The following ADGRB3 variants were observed in gnomAD, a reference collection of about 807,000 sequenced individuals.
The protein encoded by ADGRB3 is adhesion G protein-coupled receptor B3, also known as brain-specific angiogenesis inhibitor 3.
Under a neutral mutation model 193.4 loss-of-function variants are expected in ADGRB3, and 37 were observed. That is an observed-to-expected ratio of 0.19 (90% CI 0.15 to 0.25). ADGRB3 has a LOEUF of 0.25. Among genes scored for constraint, ADGRB3 ranks in the 10% least tolerant of loss-of-function variants. The probability of loss-of-function intolerance (pLI) is 1.00; values close to 1 mark genes in which losing one functional copy is unlikely to be tolerated. For synonymous variants in ADGRB3, 690 were observed against 644.2 expected (o/e 1.07, Z -1.08); for missense variants, 1,637 against 1,852.9 (o/e 0.88, Z 2.14).
At chr6:69,008,854 C>T (rs574655707) in intron 11 of ADGRB3, among the ~76,000 whole-genome samples, 31 of 152,088 alleles carry the variant, frequency 2.0e-4, no homozygotes, top group Non-Finnish European at 3.2e-4. Flanking sequence ...AAGAAGAGTT[C>T]GATCCCATAT....
chr6:68,952,550 A>G (rs1204272864), intron 6 of ADGRB3, among the ~76,000 whole-genome samples: 1 of 152,094 alleles, frequency 6.6e-6, no homozygotes, highest in East Asian at 1.9e-4. Flanking sequence ...TGTCAAGCCA[A>G]TTCCTTCATA....
chr6:69,154,554 C>T (rs1011650576), intron 17 of ADGRB3, among the ~76,000 whole-genome samples: 1 of 152,196 alleles, frequency 6.6e-6, no homozygotes, highest in Non-Finnish European at 1.5e-5. Flanking sequence ...TAATTTTGTT[C>T]ATATACTTCC....
At chr6:69,137,061 T>C (rs1272668376) in intron 17 of ADGRB3, among the ~76,000 whole-genome samples, 7 of 59,020 alleles carry the variant, frequency 1.2e-4, no homozygotes, top group Non-Finnish European at 1.8e-4. Context: ...TCTTTCTTTT[T>C]TTTTTTTTTT....
rs576040022 is a variant in ADGRB3 at position 68,691,094 on chromosome 6, AC to A, written c.757+51663del. Among the ~76,000 whole-genome samples the A allele has an allele frequency of 1.8e-3, 273 of 152,226 alleles. 4 individuals are homozygous for A. Among genetic ancestry groups the A allele is most frequent in the Admixed American group, 3.5e-3 (53 of 15,256 alleles). ...TTGTTTCATTTTTTGTTACTTCAGGACAAAAGTTAAAATGCATATAGGATCA... is the reference window on the plus strand; with the variant it reads ...TTGTTTCATTTTTTGTTACTTCAGGAAAAAGTTAAAATGCATATAGGATCA... On this transcript the variant is annotated intron_variant, in intron 3 of 31. Coordinates refer to ENST00000370598, the MANE Select transcript of ADGRB3 (RefSeq NM_001704.3).
At chr6:68,812,756 T>C (rs531328388) in intron 3 of ADGRB3, among the ~76,000 whole-genome samples, 2,083 of 152,042 alleles carry the variant, frequency 0.014, 44 homozygotes, top group African/African-American at 0.045. Context: ...ACACGTGCCA[T>C]GGTGGTTTGC....
chr6:68,846,325 G>A (rs963610533), intron 3 of ADGRB3, among the ~76,000 whole-genome samples: 1 of 152,176 alleles, frequency 6.6e-6, no homozygotes, highest in Non-Finnish European at 1.5e-5. Context: ...TTTTTCTGGG[G>A]AGAAATTCAA....
chr6:68,921,443 A>C (rs1430141479), intron 3 of ADGRB3, among the ~76,000 whole-genome samples: 1 of 152,234 alleles, frequency 6.6e-6, no homozygotes, highest in African/African-American at 2.4e-5. Flanking sequence ...AAATAGATTC[A>C]GATGAAGAAG....
At chr6:68,851,603 C>T (rs1310217514) in intron 3 of ADGRB3, among the ~76,000 whole-genome samples, 1 of 151,472 alleles carries the variant, frequency 6.6e-6, no homozygotes, top group East Asian at 1.9e-4. Flanking sequence ...ACAAAATTAC[C>T]CTGATCTGAT....
In ADGRB3 at chr6:69,255,956, G is replaced by C. The variant is rs1293712071; in HGVS notation, c.2814+16730G>C. Among the ~76,000 whole-genome samples, 19 of 152,202 alleles carry C rather than the reference G, an allele frequency of 1.2e-4. No individual in the cohort carries two copies. The South Asian group carries it at 3.9e-3, about 32-fold the overall frequency. On this transcript the variant is annotated intron_variant, in intron 20 of 31. Coordinates refer to ENST00000370598, the MANE Select transcript of ADGRB3 (RefSeq NM_001704.3). The stretch of plus-strand genomic sequence containing the variant: ...TTTTCCCAGCACCATTTATTAAATA[G>C]GGAATCCTTTCCCCATTTCTTGTTT...
intron 3 of ADGRB3, among the ~76,000 whole-genome samples, chr6:68,731,020 G>T (rs1765764585): frequency 6.6e-6 from 1 of 151,476 alleles, no homozygotes; most frequent in African/African-American, 2.4e-5. Context: ...AAAACAAAAA[G>T]AAATAAGGAC....
chr6:69,344,757 T>A (rs200617495), intron 26 of ADGRB3, among the ~76,000 whole-genome samples: 2 of 152,120 alleles, frequency 1.3e-5, no homozygotes, highest in East Asian at 3.9e-4. Context: ...AGTTGGTCTT[T>A]GAAGAGGAAG....
chr6:69,233,117 G>GCAT, intron 17 of ADGRB3, 173 bp from the exon 18 acceptor site: 1 of 925,030 alleles, frequency 1.1e-6, no homozygotes, highest in South Asian at 1.7e-5. Flanking sequence ...CTCTCGCTTT[G>GCAT]CATTACTGGA....
chr6:69,227,252 C>T (rs1055722983), intron 17 of ADGRB3, among the ~76,000 whole-genome samples: 7 of 152,032 alleles, frequency 4.6e-5, no homozygotes, highest in African/African-American at 9.7e-5. Context: ...GAGTGGTGGG[C>T]GAATATATGT....
chr6:68,961,933 T>A (rs1482912001), intron 8 of ADGRB3, among the ~76,000 whole-genome samples: 2 of 152,172 alleles, frequency 1.3e-5, no homozygotes, highest in African/African-American at 4.8e-5. Flanking sequence ...GTATACTCTT[T>A]AAGGAATTAT....
chr6:69,099,421 T>C (rs1013970055), intron 17 of ADGRB3, among the ~76,000 whole-genome samples: 2 of 152,202 alleles, frequency 1.3e-5, no homozygotes, highest in African/African-American at 2.4e-5. Context: ...AATTTCCTTA[T>C]ATGTATGACA....
intron 3 of ADGRB3, among the ~76,000 whole-genome samples, chr6:68,710,619 G>A (rs1365726442): frequency 6.6e-6 from 1 of 152,072 alleles, no homozygotes; most frequent in Non-Finnish European, 1.5e-5. Flanking sequence ...GGAATGAACT[G>A]GAATCAGTAC....
At chr6:69,030,836 C>CCTCTT (rs368217609) in intron 13 of ADGRB3, among the ~76,000 whole-genome samples, 41 of 151,680 alleles carry the variant, frequency 2.7e-4, no homozygotes, top group East Asian at 9.7e-4. Context: ...TTTTCTTTTT[C>CCTCTT]CTCTTCTCTT....
At chr6:69,059,477 G>T (rs189931787) in intron 15 of ADGRB3, among the ~76,000 whole-genome samples, 1 of 152,148 alleles carries the variant, frequency 6.6e-6, no homozygotes, top group Admixed American at 6.6e-5. Flanking sequence ...AGATTAAGTT[G>T]GGTTACCTTT....
chr6:68,972,023 C>T (rs1768586908), intron 8 of ADGRB3, among the ~76,000 whole-genome samples: 1 of 152,168 alleles, frequency 6.6e-6, no homozygotes, highest in African/African-American at 2.4e-5. Flanking sequence ...GGCACAGATG[C>T]AACAGGCAGT....
Sources: gnomAD v4.1 joint callset for allele counts (sites outside exome capture counted in the v4.1 genomes callset) on GRCh38, gnomAD v4.1.1 for gene constraint, MANE v1.5 for transcripts, NCBI Gene and HGNC (gene_info 2026-07-23, HGNC 2026-07-21) for gene names.